Variants in GNL1 observed in about 807,000 individuals in gnomAD.
GNL1 encodes the protein guanine nucleotide-binding protein-like 1.
A neutral mutation model predicts 75.2 loss-of-function variants in GNL1; 21 were observed. That is an observed-to-expected ratio of 0.28 (90% confidence interval 0.20 to 0.40). The LOEUF (loss-of-function observed/expected upper bound fraction) is 0.40. Ranked by LOEUF, GNL1 falls within the 10% of genes least tolerant of loss-of-function variation. GNL1 has a pLI of 1.00. For missense variants in GNL1, 579 were observed against 775.0 expected, an observed-to-expected ratio of 0.75 and a Z score of 3.00; for synonymous variants, 287 against 303.4, an observed-to-expected ratio of 0.95 and a Z score of 0.56.
At position 30,546,649 on chromosome 6, in the gene GNL1, T is replaced by C; in HGVS notation, c.1582+47A>G. ...TCTGGCCACAAAGCCCACACCCTTT[T>C]ACCTACGCTATAGCAGGGGGCTGGG... On this transcript the variant is annotated intron_variant, in intron 11 of 11. Coordinates refer to ENST00000376621, the MANE Select transcript of GNL1 (RefSeq NM_005275.5). The surrounding 1 kb of genome is among the most constrained non-coding windows in gnomAD (Gnocchi z 5.1). 1.3e-6 allele frequency: 2 copies of C among 1,508,666 alleles called. No homozygotes were observed. The highest frequency in any genetic ancestry group is 1.8e-6 in the Non-Finnish European group (2 of 1,102,642). 93.5% of individuals were successfully genotyped at this position (1,508,666 alleles called of 1,614,324 possible). A position where few individuals can be genotyped will look rare whatever the true frequency, so the allele number is the denominator to read the frequency against.
chr6:30,544,189 G>C lies in GNL1; in HGVS notation c.*1883C>G, dbSNP rs1010063198. On this transcript the variant is annotated 3_prime_UTR_variant, in exon 12 of 12. Coordinates refer to ENST00000376621, the MANE Select transcript of GNL1 (RefSeq NM_005275.5). ...ACAGTCTAACCCTGTGGGGGTGTCA[G>C]GAGTTGCCTCCTGCCAGGTCTTCAG... 3 of 152,182 alleles carry C rather than the reference G, an allele frequency of 2.0e-5. No homozygotes were observed. Among genetic ancestry groups the C allele is most frequent in the African/African-American group, 7.3e-5 (3 of 41,376 alleles). 9.4% of individuals were successfully genotyped at this position (152,182 alleles called of 1,614,324 possible). A position where few individuals can be genotyped will look rare whatever the true frequency, so the allele number is the denominator to read the frequency against.
Position 30,547,223 on chromosome 6 carries a change from C to T in GNL1, c.1330G>A (p.Val444Met). 1 of 1,612,788 alleles carries T rather than the reference C, an allele frequency of 6.2e-7. No homozygotes were observed. Among genetic ancestry groups the T allele is most frequent in the Non-Finnish European group, 8.5e-7 (1 of 1,179,250 alleles). ...GGAATTCGGGAGGCCAGGTAGCCCA[C>T]AGCAGTGTAGGGCTCCTGGATCTGG... ...IAQIQEPYTAVGYLASRIPVQ... is the reference protein window; with the variant it reads ...IAQIQEPYTAMGYLASRIPVQ... Residue 444 changes from valine (V) to methionine (M), a missense_variant, in exon 10 of 12, where the codon GTG becomes ATG. Val to Met is a conservative substitution (Grantham distance 21). Coordinates refer to ENST00000376621, the MANE Select transcript of GNL1 (RefSeq NM_005275.5). This position sits in a 1 kb window ranked among gnomAD's most constrained non-coding sequence, Gnocchi z 5.5.
At chr6:30,553,038 G>T in intron 7 of GNL1, 46 bp downstream of exon 7, 1 of 1,260,694 alleles carries the variant, frequency 7.9e-7, no homozygotes, top group Non-Finnish European at 1.1e-6. Context: ...CTGCATCTTT[G>T]GTCTCCCCCA....
In GNL1 at chr6:30,547,455, G is replaced by A. The variant is rs1562702596; in HGVS notation, c.1175C>T (p.Pro392Leu). The change falls in exon 9 of 12, where the codon CCG becomes CTG. Residue 392 changes from proline (P) to leucine (L), a missense_variant. Physicochemically the swap from Pro to Leu is moderately conservative, Grantham distance 98. Transcript: ENST00000376621. This position sits in a 1 kb window ranked among gnomAD's most constrained non-coding sequence, Gnocchi z 5.5. Reference sequence around the variant, plus strand: ...GGTCTGAAAGTATCGGGTATGGCCCGGGGTTCTGGAGACACTCACGACTTT... The same window carrying A: ...GGTCTGAAAGTATCGGGTATGGCCCAGGGTTCTGGAGACACTCACGACTTT... ...GRKVVSVSRT[P>L]GHTRYFQTYF... 2.5e-6 allele frequency: 4 copies of A among 1,613,852 alleles called. No individual in the cohort carries two copies. Among genetic ancestry groups the A allele is most frequent in the Non-Finnish European group, 3.4e-6 (4 of 1,179,934 alleles).
rs769803213 is a variant in GNL1 at position 30,546,310 on chromosome 6, G to A, written c.1586C>T (p.Thr529Ile). The A allele has an allele frequency of 1.3e-6, 2 of 1,590,992 alleles. No individual in the cohort carries two copies. Among genetic ancestry groups the A allele is most frequent in the East Asian group, 2.3e-5 (1 of 44,160 alleles). ...HPPGYSEQKG[T>I]WESHPETTEL... is the part of the protein sequence containing the mutation. ...CGTGGTCTCTGGATGGGACTCCCAG[G>A]TGCCTGGGGAACCAAAACAAGAAAA... Residue 529 changes from threonine (T) to isoleucine (I), a missense_variant, in exon 12 of 12, where the codon ACC becomes ATC. Coordinates refer to ENST00000376621, the MANE Select transcript of GNL1 (RefSeq NM_005275.5). The surrounding 1 kb of genome is among the most constrained non-coding windows in gnomAD (Gnocchi z 5.1).
rs1227043470 is a variant in GNL1, at chr6:30,546,857, T to C, written c.1442-21A>G. The C allele has an allele frequency of 5.7e-6, 9 of 1,575,108 alleles. No individual in the cohort carries two copies. Among genetic ancestry groups the C allele is most frequent in the African/African-American group, 1.4e-5 (1 of 73,618 alleles). On this transcript the variant is annotated intron_variant, in intron 10 of 11. Transcript: ENST00000376621. The surrounding 1 kb of genome is among the most constrained non-coding windows in gnomAD (Gnocchi z 5.1). ...CCAGGCTGGAGGAAGAAAAGAATAA[T>C]GGAAAGGGAAAGCATTAACCAGGTA...
Position 30,552,778 on chromosome 6 carries a change from A to G in GNL1, c.905-117T>C, listed in dbSNP as rs569816924. ...CACCCTCTGGAGTTGTACAGTGCCA[A>G]CCTAAATAAGAGCAGGTCAGAGAAT... is the stretch of plus-strand genomic sequence containing the variant. On this transcript the variant is annotated intron_variant, in intron 7 of 11. Transcript: ENST00000376621. The surrounding 1 kb of genome is among the most constrained non-coding windows in gnomAD (Gnocchi z 4.5). 6.0e-5 allele frequency: 54 copies of G among 896,470 alleles called. No homozygotes were observed. The highest frequency in any genetic ancestry group is 5.3e-4 in the Middle Eastern group (2 of 3,780). 55.5% of individuals were successfully genotyped at this position (896,470 alleles called of 1,614,324 possible).
At chr6:30,550,465 T>C (rs1026310274) in intron 8 of GNL1, among the ~76,000 whole-genome samples, 7 of 152,084 alleles carry the variant, frequency 4.6e-5, no homozygotes, top group Non-Finnish European at 1.0e-4. Context: ...ACCTTCAAAA[T>C]ATATCATGCT....
In GNL1 at chr6:30,553,428, G is replaced by C; in HGVS notation, c.730C>G (p.Gln244Glu). The C allele has an allele frequency of 3.7e-6, 6 of 1,613,000 alleles. No homozygotes were observed. The highest frequency in any genetic ancestry group is 5.1e-6 in the Non-Finnish European group (6 of 1,180,000). ...ACGACGTGGAGCTGGGGATAGTGTT[G>C]ATGGAAATAATGCTTCCAGGCAACC... is the stretch of plus-strand genomic sequence containing the variant. ...LVVAWKHYFH[Q>E]HYPQLHVVLF... The change falls in exon 6 of 12, where the codon CAA becomes GAA. Residue 244 changes from glutamine (Q) to glutamate (E), a missense_variant. By Grantham distance (29) the Gln-to-Glu change is conservative (BLOSUM62 2). Transcript: ENST00000376621.
In GNL1 at chr6:30,556,349, T is replaced by C; in HGVS notation, c.-146A>G. The C allele has an allele frequency of 1.2e-6, 1 of 846,958 alleles. No homozygotes were observed. Among genetic ancestry groups the C allele is most frequent in the South Asian group, 1.5e-5 (1 of 65,194 alleles). The allele number at this position is 846,958 out of a possible 1,614,324, so 52.5% of individuals were successfully genotyped here. Reference sequence around the variant, plus strand: ...ACGTCAGCGGGCGGGCCCGACAGAATTACCGCCGCGGCGGCGATGGAAGGC... The same window carrying C: ...ACGTCAGCGGGCGGGCCCGACAGAACTACCGCCGCGGCGGCGATGGAAGGC... On this transcript the variant is annotated 5_prime_UTR_variant, in exon 1 of 12. Transcript: ENST00000376621. The surrounding 1 kb of genome is among the most constrained non-coding windows in gnomAD (Gnocchi z 5.7).
chr6:30,553,192 G>A lies in GNL1; in HGVS notation c.809-13C>T. On this transcript the variant is annotated splice_polypyrimidine_tract_variant and intron_variant, in intron 6 of 11. Transcript: ENST00000376621. ...CTCTTCTTCAAGACTGAGATCAGAGGGCACAAAAGGATGGGCACACGGGCT... is the reference window on the plus strand; with the variant it reads ...CTCTTCTTCAAGACTGAGATCAGAGAGCACAAAAGGATGGGCACACGGGCT... 1.3e-6 allele frequency: 2 copies of A among 1,595,812 alleles called. No individual in the cohort carries two copies. The highest frequency in any genetic ancestry group is 1.1e-5 in the South Asian group (1 of 90,668).
At position 30,546,474 on chromosome 6, in the gene GNL1, T is replaced by TGAACA; in HGVS notation, c.1583-166_1583-162dup. 1.5e-6 allele frequency: 1 copy of TGAACA among 680,174 alleles called. No homozygotes were observed. Among genetic ancestry groups the TGAACA allele is most frequent in the Non-Finnish European group, 2.6e-6 (1 of 391,474 alleles). 42.1% of individuals were successfully genotyped at this position (680,174 alleles called of 1,614,324 possible). A position where few individuals can be genotyped will look rare whatever the true frequency, so the allele number is the denominator to read the frequency against. ...ATTCAACTTCCTATGTGCAGATTGC[T>TGAACA]GAACAGAACCTTTGTGCACATCAAC... is the stretch of plus-strand genomic sequence containing the variant. On this transcript the variant is annotated intron_variant, in intron 11 of 11. Coordinates refer to ENST00000376621, the MANE Select transcript of GNL1 (RefSeq NM_005275.5). This position sits in a 1 kb window ranked among gnomAD's most constrained non-coding sequence, Gnocchi z 5.1.
In GNL1 at chr6:30,556,164, T is replaced by G. The variant is rs1303412139; in HGVS notation, c.40A>C (p.Lys14Gln). ...KKPFSVKQKK[K>Q]QLQDKRERKR... Reference sequence around the variant, plus strand: ...CGCTCCCGTTTGTCCTGCAACTGCTTCTTCTTCTGCTTCACGCTGAATGGC... The same window carrying G: ...CGCTCCCGTTTGTCCTGCAACTGCTGCTTCTTCTGCTTCACGCTGAATGGC... The change falls in exon 1 of 12, where the codon AAG becomes CAG. Residue 14 changes from lysine (K) to glutamine (Q), a missense_variant. Coordinates refer to ENST00000376621, the MANE Select transcript of GNL1 (RefSeq NM_005275.5). The surrounding 1 kb of genome is among the most constrained non-coding windows in gnomAD (Gnocchi z 5.7). The G allele has an allele frequency of 2.5e-6, 4 of 1,605,332 alleles. No individual in the cohort carries two copies. The highest frequency in any genetic ancestry group is 1.7e-5 in the Admixed American group (1 of 60,022).
At position 30,556,158 on chromosome 6, in the gene GNL1, A is replaced by C. The variant is rs769160173; in HGVS notation, c.46T>G (p.Leu16Val). 66 of 1,604,458 alleles carry C rather than the reference A, an allele frequency of 4.1e-5. No individual in the cohort carries two copies. The highest frequency in any genetic ancestry group is 8.8e-5 in the South Asian group (8 of 91,060). The change falls in exon 1 of 12, where the codon TTG becomes GTG. Residue 16 changes from leucine to valine, a missense_variant. Coordinates refer to ENST00000376621, the MANE Select transcript of GNL1 (RefSeq NM_005275.5). The surrounding 1 kb of genome is among the most constrained non-coding windows in gnomAD (Gnocchi z 5.7). ...PFSVKQKKKQ[L>V]QDKRERKRGL... Reference sequence around the variant, plus strand: ...CTCTTCCGCTCCCGTTTGTCCTGCAACTGCTTCTTCTTCTGCTTCACGCTG... The same window carrying C: ...CTCTTCCGCTCCCGTTTGTCCTGCACCTGCTTCTTCTTCTGCTTCACGCTG...
rs1448707576 is a variant in GNL1, at chr6:30,556,461, A to T, written c.-258T>A. 5 of 566,086 alleles carry T rather than the reference A, an allele frequency of 8.8e-6. No individual in the cohort carries two copies. The highest frequency in any genetic ancestry group is 6.3e-5 in the Admixed American group (2 of 31,630). 35.1% of individuals were successfully genotyped at this position (566,086 alleles called of 1,614,324 possible). ...CTACTGGCACGTGAGAGCCAGTGGC[A>T]CCGAGAGGGCGCCCCGGCGGCGAGG... On this transcript the variant is annotated 5_prime_UTR_variant, in exon 1 of 12. Transcript: ENST00000376621. This position sits in a 1 kb window ranked among gnomAD's most constrained non-coding sequence, Gnocchi z 5.7.
chr6:30,546,385 A>C lies in GNL1; in HGVS notation c.1583-72T>G, dbSNP rs940670253. The C allele has an allele frequency of 1.0e-4, 89 of 891,894 alleles. No individual in the cohort carries two copies. Among genetic ancestry groups the C allele is most frequent in the South Asian group, 9.8e-4 (67 of 68,178 alleles). 55.2% of individuals were successfully genotyped at this position (891,894 alleles called of 1,614,324 possible). On this transcript the variant is annotated intron_variant, in intron 11 of 11. Transcript: ENST00000376621. The surrounding 1 kb of genome is among the most constrained non-coding windows in gnomAD (Gnocchi z 5.1). ...AACTAAAGCCAAGGAAAGATGGGGAAGAGGCAAAGACTAGGAATAACAATA... is the reference window on the plus strand; with the variant it reads ...AACTAAAGCCAAGGAAAGATGGGGACGAGGCAAAGACTAGGAATAACAATA...
intron 8 of GNL1, among the ~76,000 whole-genome samples, chr6:30,550,160 C>T (rs1167511945): frequency 6.6e-6 from 1 of 152,152 alleles, no homozygotes; most frequent in Non-Finnish European, 1.5e-5. Flanking sequence ...TTATATCCAT[C>T]AATGGTTCCC....
chr6:30,554,748 T>G lies in GNL1; in HGVS notation c.528+16A>C, dbSNP rs771727194. The G allele has an allele frequency of 2.5e-5, 41 of 1,612,378 alleles. No homozygotes were observed. The highest frequency in any genetic ancestry group is 2.5e-6 in the Non-Finnish European group (3 of 1,179,514). ...GGTCACTATGCCCCACTCCTGTCCC[T>G]AGAGTACACTGTCACCTCCAGATTG... is the stretch of plus-strand genomic sequence containing the variant. On this transcript the variant is annotated intron_variant, in intron 4 of 11. Transcript: ENST00000376621.
Position 30,553,336 on chromosome 6 carries a change from C to T in GNL1, c.808+14G>A. On this transcript the variant is annotated intron_variant, in intron 6 of 11. Transcript: ENST00000376621. ...TCACCTCTCCCAAGTTGCCCTCTCT[C>T]ATTGCCCACTCACCACTACTAGGGT... 6.2e-7 allele frequency: 1 copy of T among 1,604,556 alleles called. No individual in the cohort carries two copies. Among genetic ancestry groups the T allele is most frequent in the Non-Finnish European group, 8.5e-7 (1 of 1,173,252 alleles).
Sources: gnomAD v4.1 joint callset for allele counts (sites outside exome capture counted in the v4.1 genomes callset) on GRCh38, gnomAD v4.1.1 for gene constraint, Gnocchi (gnomAD v3.1) non-coding constraint, MANE v1.5 for transcripts, NCBI Gene and HGNC (gene_info 2026-07-23, HGNC 2026-07-21) for gene names.